The following BMPR1B variants were observed in gnomAD, a reference collection of about 807,000 sequenced individuals.
BMPR1B encodes bone morphogenetic protein receptor type 1B.
Under a neutral mutation model 59.1 loss-of-function variants are expected in BMPR1B, and 12 were observed. The observed-to-expected ratio is 0.20, with a 90% CI of 0.13 to 0.33. The LOEUF (loss-of-function observed/expected upper bound fraction) is 0.33, where lower values mean the gene tolerates loss of function less well. Ranked by LOEUF, BMPR1B falls within the 10% of genes least tolerant of loss-of-function variation. BMPR1B has a pLI of 1.00. For missense variants in BMPR1B, 550 were observed against 610.9 expected (o/e 0.90, Z 1.05); for synonymous variants, 237 against 207.3 (o/e 1.14, Z -1.23).
intron 1 of BMPR1B, among the ~76,000 whole-genome samples, chr4:94,810,517 C>G (rs1404301732): frequency 1.3e-5 from 2 of 151,932 alleles, no homozygotes; most frequent in Non-Finnish European, 2.9e-5. Context: ...TGTTGTTGCC[C>G]AGAGGACAAG....
chr4:94,956,183 C>T (rs1259907149), intron 2 of BMPR1B, among the ~76,000 whole-genome samples: 1 of 151,942 alleles, frequency 6.6e-6, no homozygotes, highest in Non-Finnish European at 1.5e-5. Flanking sequence ...TATTTAAAGA[C>T]TTATTTTTAG....
chr4:95,109,598 C>T, intron 4 of BMPR1B, among the ~76,000 whole-genome samples: 1 of 152,134 alleles, frequency 6.6e-6, no homozygotes, highest in Admixed American at 6.6e-5. Context: ...TTGCCCAGGC[C>T]ATTTAAATAT....
At chr4:95,078,766 T>G (rs1382097179) in intron 3 of BMPR1B, among the ~76,000 whole-genome samples, 1 of 152,162 alleles carries the variant, frequency 6.6e-6, no homozygotes, top group African/African-American at 2.4e-5. Context: ...TTTTTTTCCT[T>G]ACTATTTTTG....
intron 2 of BMPR1B, among the ~76,000 whole-genome samples, chr4:94,986,133 C>G (rs1721389635): frequency 1.3e-5 from 2 of 152,024 alleles, no homozygotes; most frequent in South Asian, 4.1e-4. Flanking sequence ...ACCTTTAAAA[C>G]AAAACAAAAA....
At chr4:95,008,409 T>C (rs1723000216) in intron 3 of BMPR1B, among the ~76,000 whole-genome samples, 1 of 152,058 alleles carries the variant, frequency 6.6e-6, no homozygotes, top group Non-Finnish European at 1.5e-5. Context: ...ATCTAACACT[T>C]ATTCTTGTTG....
intron 1 of BMPR1B, among the ~76,000 whole-genome samples, chr4:94,764,494 C>G (rs753413152): frequency 2.4e-4 from 36 of 152,122 alleles, no homozygotes; most frequent in Admixed American, 2.1e-3. Flanking sequence ...CACTACTGCC[C>G]ACACCCTGTT....
chr4:94,934,122 G>A (rs1319673823), intron 2 of BMPR1B, among the ~76,000 whole-genome samples: 2 of 152,086 alleles, frequency 1.3e-5, no homozygotes, highest in East Asian at 3.9e-4. Context: ...ATGTGATTTG[G>A]TTCATTTCAG....
At chr4:94,772,406 T>G (rs1484485285) in intron 1 of BMPR1B, among the ~76,000 whole-genome samples, 3 of 152,164 alleles carry the variant, frequency 2.0e-5, no homozygotes, top group African/African-American at 7.2e-5. Flanking sequence ...AATAACCAGA[T>G]TAAACACATA....
At chr4:95,096,759 A>T (rs964987177) in intron 3 of BMPR1B, among the ~76,000 whole-genome samples, 1 of 138,822 alleles carries the variant, frequency 7.2e-6, no homozygotes, top group African/African-American at 2.6e-5. Context: ...ATATAGTTAT[A>T]TATAACTATG....
rs80218727 is a variant in BMPR1B at position 95,129,844 on chromosome 4, T to G, written c.586-18T>G. 487 of 1,612,054 alleles carry G rather than the reference T, an allele frequency of 3.0e-4. 4 individuals are homozygous for G. The African/African-American group carries it at 3.4e-3, about 11-fold the overall frequency. ...TAGCGCTGTGAATACACTAACAGTGTGTTTTGGGATTTCACAGGTCCAAAG... is the reference window on the plus strand; with the variant it reads ...TAGCGCTGTGAATACACTAACAGTGGGTTTTGGGATTTCACAGGTCCAAAG... On this transcript the variant is annotated intron_variant, in intron 8 of 12. Coordinates refer to ENST00000515059, the MANE Select transcript of BMPR1B (RefSeq NM_001203.3).
chr4:94,872,217 C>G (rs1438691033), intron 1 of BMPR1B, among the ~76,000 whole-genome samples: 4 of 151,926 alleles, frequency 2.6e-5, no homozygotes, highest in African/African-American at 9.7e-5. Context: ...GCTTTGAAGG[C>G]AAAGCCCTAG....
intron 3 of BMPR1B, among the ~76,000 whole-genome samples, chr4:95,102,284 C>T (rs1406534600): frequency 1.3e-5 from 2 of 152,172 alleles, no homozygotes; most frequent in East Asian, 3.9e-4. Flanking sequence ...TTCTTTTCTA[C>T]TTTAGACCAT....
intron 3 of BMPR1B, among the ~76,000 whole-genome samples, chr4:95,058,274 T>C (rs1005425228): frequency 1.3e-5 from 2 of 152,192 alleles, no homozygotes; most frequent in Non-Finnish European, 2.9e-5. Context: ...TCTGATTTCT[T>C]CTGGAGTCCA....
At chr4:94,769,417 C>CCTGA (rs1255884035) in intron 1 of BMPR1B, among the ~76,000 whole-genome samples, 1 of 152,088 alleles carries the variant, frequency 6.6e-6, no homozygotes, top group East Asian at 1.9e-4. Context: ...TCGAGACCAG[C>CCTGA]CTGACCAACA....
chr4:94,867,552 C>G (rs1432066609), intron 1 of BMPR1B, among the ~76,000 whole-genome samples: 1 of 152,160 alleles, frequency 6.6e-6, no homozygotes, highest in East Asian at 1.9e-4. Context: ...CAGTTTTCAC[C>G]TTGGAATAGC....
intron 3 of BMPR1B, among the ~76,000 whole-genome samples, chr4:95,001,362 G>GCA (rs1560588799): frequency 6.6e-6 from 1 of 152,036 alleles, no homozygotes; most frequent in African/African-American, 2.4e-5. Context: ...GAATTAAGAT[G>GCA]GTATTTCTTA....
chr4:95,140,097 A>G (rs1159740280), intron 10 of BMPR1B, among the ~76,000 whole-genome samples: 1 of 152,086 alleles, frequency 6.6e-6, no homozygotes, highest in Admixed American at 6.5e-5. Flanking sequence ...CTCCGTTCTT[A>G]TGTCTTCTAA....
chr4:95,097,735 A>T (rs566013750), intron 3 of BMPR1B, among the ~76,000 whole-genome samples: 177 of 152,194 alleles, frequency 1.2e-3, no homozygotes, highest in African/African-American at 4.1e-3. Context: ...ACAGGGTCTC[A>T]CCATGTTGGC....
chr4:95,039,759 T>A (rs1036167857), intron 3 of BMPR1B, among the ~76,000 whole-genome samples: 1 of 152,132 alleles, frequency 6.6e-6, no homozygotes, highest in South Asian at 2.1e-4. Context: ...ATTATGAGAT[T>A]TTTTTTGCAA....
Sources: allele counts gnomAD v4.1 joint callset (sites outside exome capture counted in the v4.1 genomes callset), GRCh38; gene constraint gnomAD v4.1.1; transcripts MANE v1.5; gene names NCBI Gene and HGNC (gene_info 2026-07-23, HGNC 2026-07-21).